Variants in MAGI2 observed in about 807,000 individuals in gnomAD.
MAGI2 encodes membrane associated guanylate kinase, WW and PDZ domain containing 2.
In MAGI2, 35 loss-of-function variants were observed where a neutral mutation model predicts 133.3. The ratio of observed to expected loss-of-function variants is 0.26; its 90% CI spans 0.20 to 0.35. The LOEUF is 0.35. Among genes scored for constraint, MAGI2 ranks in the 10% least tolerant of loss-of-function variants. The pLI is 1.00. For synonymous variants in MAGI2, 729 were observed against 710.6 expected (o/e 1.03, Z -0.41); for missense variants, 1,636 against 1,863.4 (o/e 0.88, Z 2.25).
At chr7:78,857,242 A>G (rs1793733056) in intron 2 of MAGI2, among the ~76,000 whole-genome samples, 1 of 152,082 alleles carries the variant, frequency 6.6e-6, no homozygotes, top group African/African-American at 2.4e-5. Context: ...AATGCTATTT[A>G]TTTCTTTCTC....
intron 15 of MAGI2, among the ~76,000 whole-genome samples, chr7:78,161,936 T>C (rs7796631): frequency 0.082 from 12,480 of 152,242 alleles, 700 homozygotes; most frequent in East Asian, 0.29. Context: ...AGCCTTTCTT[T>C]CTGTTCAAAT....
At chr7:78,222,842 A>G (rs1013013664) in intron 10 of MAGI2, among the ~76,000 whole-genome samples, 4 of 152,242 alleles carry the variant, frequency 2.6e-5, no homozygotes, top group Admixed American at 6.5e-5. Flanking sequence ...TACCCAGAAC[A>G]TGGATATTTC....
chr7:79,269,919 A>G (rs1834755057), intron 1 of MAGI2, among the ~76,000 whole-genome samples: 1 of 152,172 alleles, frequency 6.6e-6, no homozygotes, highest in Non-Finnish European at 1.5e-5. Context: ...TATAGTTTCC[A>G]TAATCCCTGA....
intron 2 of MAGI2, among the ~76,000 whole-genome samples, chr7:78,825,587 TA>T (rs1482146900): frequency 6.6e-6 from 1 of 152,166 alleles, no homozygotes; most frequent in Non-Finnish European, 1.5e-5. Flanking sequence ...TTTTTAAGAA[TA>T]AAAAACTAGT....
At chr7:78,239,409 A>C (rs551900236) in intron 10 of MAGI2, among the ~76,000 whole-genome samples, 4 of 152,350 alleles carry the variant, frequency 2.6e-5, no homozygotes, top group Admixed American at 2.6e-4. Flanking sequence ...CTAGACAAAT[A>C]GGGTTATATC....
At chr7:78,997,620 A>G (rs565256603) in intron 2 of MAGI2, among the ~76,000 whole-genome samples, 2 of 152,052 alleles carry the variant, frequency 1.3e-5, no homozygotes, top group Non-Finnish European at 1.5e-5. Context: ...AAAAAAAAAA[A>G]AAGGCAGGAT....
At chr7:79,371,329 TACTC>T (rs1180876766) in intron 1 of MAGI2, among the ~76,000 whole-genome samples, 1 of 152,054 alleles carries the variant, frequency 6.6e-6, no homozygotes, top group East Asian at 1.9e-4. Context: ...GTCAAAGTAA[TACTC>T]TAACTTACAT....
At position 79,251,839 on chromosome 7, in the gene MAGI2, G is replaced by A. The variant is rs1918934; in HGVS notation, c.301+201181C>T. Among the ~76,000 whole-genome samples the A allele has an allele frequency of 2.3e-3, 347 of 152,106 alleles. 4 individuals carry two copies. Among genetic ancestry groups the A allele is most frequent in the Admixed American group, 0.02 (312 of 15,278 alleles). On this transcript the variant is annotated intron_variant, in intron 1 of 21. Transcript: ENST00000354212. ...GCCAAGATTTGTAAGCGATCTAAAT[G>A]TCCATTAGTAGATGGATGAATGGAT...
intron 2 of MAGI2, among the ~76,000 whole-genome samples, chr7:78,690,401 C>A (rs572260098): frequency 3.9e-5 from 6 of 152,082 alleles, no homozygotes; most frequent in Non-Finnish European, 8.8e-5. Context: ...CCTCTCTGAC[C>A]GCTGCTCCCT....
chr7:78,738,436 AC>A (rs1822078621), intron 2 of MAGI2, among the ~76,000 whole-genome samples: 1 of 152,102 alleles, frequency 6.6e-6, no homozygotes, highest in Non-Finnish European at 1.5e-5. Flanking sequence ...TCAGGTAAAA[AC>A]ATTTGACTTC....
At chr7:78,526,976 C>G (rs1487143532) in intron 3 of MAGI2, among the ~76,000 whole-genome samples, 2 of 123,668 alleles carry the variant, frequency 1.6e-5, no homozygotes, top group Non-Finnish European at 3.2e-5. Flanking sequence ...CCACTGCACT[C>G]CAGCATGGTG....
At chr7:78,331,377 T>TA (rs1030012391) in intron 9 of MAGI2, among the ~76,000 whole-genome samples, 1 of 152,078 alleles carries the variant, frequency 6.6e-6, no homozygotes, top group African/African-American at 2.4e-5. Flanking sequence ...AAATTATGTA[T>TA]AAAAAAATAA....
intron 1 of MAGI2, among the ~76,000 whole-genome samples, chr7:79,180,184 G>A (rs947426233): frequency 1.1e-4 from 16 of 151,884 alleles, no homozygotes; most frequent in Admixed American, 9.2e-4. Context: ...ATTAATCATC[G>A]GGGAAATGCA....
At chr7:78,260,863 T>C (rs1336789429) in intron 9 of MAGI2, among the ~76,000 whole-genome samples, 1 of 152,110 alleles carries the variant, frequency 6.6e-6, no homozygotes, top group Non-Finnish European at 1.5e-5. Flanking sequence ...ATGAAAAAAA[T>C]GTTCTAAGAT....
At chr7:79,339,019 G>A (rs190360881) in intron 1 of MAGI2, among the ~76,000 whole-genome samples, 3 of 152,094 alleles carry the variant, frequency 2.0e-5, no homozygotes, top group African/African-American at 4.8e-5. Context: ...TCAACTTGGC[G>A]GTCATACTTT....
intron 1 of MAGI2, among the ~76,000 whole-genome samples, chr7:79,186,098 GACAT>G (rs1827062376): frequency 6.7e-6 from 1 of 150,372 alleles, no homozygotes; most frequent in African/African-American, 2.5e-5. Context: ...CACATGTGTA[GACAT>G]ACAAAGACCA....
chr7:78,271,565 C>T (rs967255406), intron 9 of MAGI2, among the ~76,000 whole-genome samples: 1 of 152,182 alleles, frequency 6.6e-6, no homozygotes, highest in African/African-American at 2.4e-5. Flanking sequence ...TAGAATTCGG[C>T]TGTGAATCTG....
At chr7:78,487,543 C>A (rs1339851443) in intron 6 of MAGI2, among the ~76,000 whole-genome samples, 1 of 152,052 alleles carries the variant, frequency 6.6e-6, no homozygotes, top group South Asian at 2.1e-4. Flanking sequence ...ACCTGCAAAA[C>A]GTTTTCTAAA....
chr7:79,170,068 G>A (rs1825362655), intron 1 of MAGI2, among the ~76,000 whole-genome samples: 1 of 148,776 alleles, frequency 6.7e-6, no homozygotes, highest in Non-Finnish European at 1.5e-5. Flanking sequence ...ACCATAGTAG[G>A]TCATCCAACC....
Sources: gnomAD v4.1 joint callset for allele counts (sites outside exome capture counted in the v4.1 genomes callset) on GRCh38, gnomAD v4.1.1 for gene constraint, MANE v1.5 for transcripts, NCBI Gene and HGNC (gene_info 2026-07-23, HGNC 2026-07-21) for gene names.